Variants in ANTXRL observed in about 807,000 individuals in gnomAD.
ANTXRL encodes ANTXR like.
A neutral mutation model predicts 75.4 loss-of-function variants in ANTXRL; 63 were observed. That is an observed-to-expected ratio of 0.84 (90% confidence interval 0.68 to 1.03). The LOEUF is 1.03. Ranked by LOEUF, ANTXRL falls within the 50% of genes least tolerant of loss-of-function variation. The pLI is 0.00. For missense variants in ANTXRL, 797 were observed against 789.4 expected, an observed-to-expected ratio of 1.01 and a Z score of -0.12; for synonymous variants, 335 against 291.3, an observed-to-expected ratio of 1.15 and a Z score of -1.53.
chr10:46,298,581 G>C (rs1397204122), intron 9 of ANTXRL, among the ~76,000 whole-genome samples: 8 of 151,690 alleles, frequency 5.3e-5, no homozygotes, highest in Admixed American at 5.3e-4. Flanking sequence ...TTGTGGGAGT[G>C]TGTGGGAAGG....
At chr10:46,295,755 C>T (rs1361518582) in intron 3 of ANTXRL, among the ~76,000 whole-genome samples, 1 of 152,120 alleles carries the variant, frequency 6.6e-6, no homozygotes, top group Non-Finnish European at 1.5e-5. Context: ...CCATGGGAAA[C>T]TCCTACTGTC....
intron 14 of ANTXRL, 62 bp downstream of exon 14, chr10:46,310,561 G>A: frequency 6.7e-7 from 1 of 1,492,122 alleles, no homozygotes; most frequent in Non-Finnish European, 9.0e-7. Flanking sequence ...CCTTCACCAA[G>A]AGTGCCATGA....
chr10:46,307,346 G>T (rs140268760), intron 11 of ANTXRL, 56 bp from the exon 12 acceptor site: 1 of 1,276,338 alleles, frequency 7.8e-7, no homozygotes, highest in Non-Finnish European at 1.1e-6. Flanking sequence ...CTGTCCAAGG[G>T]CAAGAACTGC....
intron 16 of ANTXRL, among the ~76,000 whole-genome samples, chr10:46,321,857 A>T (rs566045817): frequency 6.6e-6 from 1 of 152,134 alleles, no homozygotes; most frequent in South Asian, 2.1e-4. Flanking sequence ...AGCCAATGAT[A>T]GTACCTTTGG....
chr10:46,315,349 C>G (rs1213782457), intron 16 of ANTXRL, among the ~76,000 whole-genome samples: 1 of 152,230 alleles, frequency 6.6e-6, no homozygotes, highest in Admixed American at 6.5e-5. Context: ...CCGCTGGAGA[C>G]CAGGCTTGGA....
chr10:46,302,372 C>T (rs536499026), intron 9 of ANTXRL, among the ~76,000 whole-genome samples: 13 of 152,282 alleles, frequency 8.5e-5, no homozygotes, highest in South Asian at 8.3e-4. Flanking sequence ...GCTGAGTGCA[C>T]GGCCTGCACA....
intron 16 of ANTXRL, among the ~76,000 whole-genome samples, chr10:46,320,647 A>T (rs1838936025): frequency 6.6e-6 from 1 of 152,140 alleles, no homozygotes; most frequent in Non-Finnish European, 1.5e-5. Flanking sequence ...CATGAGAATT[A>T]CTTGAACCCA....
intron 9 of ANTXRL, among the ~76,000 whole-genome samples, chr10:46,300,179 C>T (rs1837634097): frequency 6.6e-6 from 1 of 152,068 alleles, no homozygotes; most frequent in South Asian, 2.1e-4. Context: ...GCTCACGTGG[C>T]CCGGCAGTCA....
At chr10:46,325,155 G>A (rs1342846498) in intron 16 of ANTXRL, among the ~76,000 whole-genome samples, 1 of 152,014 alleles carries the variant, frequency 6.6e-6, no homozygotes. Context: ...GAGTTTACTA[G>A]AGAATCCCTG....
At chr10:46,302,930 G>C in intron 10 of ANTXRL, 110 bp downstream of exon 10, 1 of 887,640 alleles carries the variant, frequency 1.1e-6, no homozygotes, top group Non-Finnish European at 1.7e-6. Flanking sequence ...TGTGGACCCT[G>C]TGGGGTTAGA....
rs1839390546 is a variant in ANTXRL at position 46,329,603 on chromosome 10, G to A, written c.1415G>A (p.Arg472Lys). 1 of 1,535,456 alleles carries A rather than the reference G, an allele frequency of 6.5e-7. No homozygotes were observed. Among genetic ancestry groups the A allele is most frequent in the Non-Finnish European group, 8.7e-7 (1 of 1,146,096 alleles). ...TCTCTCTTCTCTTCCCTACAGGGGA[G>A]GTACCTCAGCTTAGCCCTTGCACAG... ...WMCCQSRDQG[R>K]YLSLALAQSQ... The change falls in exon 17 of 17, where the codon AGG becomes AAG. Residue 472 changes from arginine (R) to lysine (K), a missense_variant. By Grantham distance (26) the Arg-to-Lys change is conservative. Around this residue, in one of 3 missense-constraint regions of ANTXRL, gnomAD observed 479 missense variants for 422.0 expected, o/e 1.14. Transcript: ENST00000620264.
rs556512609 is a variant in ANTXRL, at chr10:46,321,977, TC to T, written c.1411-7621del. 6.6e-5 allele frequency among the ~76,000 whole-genome samples: 10 copies of T among 152,304 alleles called. No homozygotes were observed. The East Asian group carries it at 1.9e-3, about 29-fold the overall frequency. On this transcript the variant is annotated intron_variant, in intron 16 of 16. Transcript: ENST00000620264. ...AGGGCTAAGGACAATGATAGTGCCATCATGTCCATAATATCTTAAGTGCTTT... is the reference window on the plus strand; with the variant it reads ...AGGGCTAAGGACAATGATAGTGCCATATGTCCATAATATCTTAAGTGCTTT...
chr10:46,306,954 G>A (rs781982660), intron 11 of ANTXRL, 82 bp downstream of exon 11: 24 of 1,160,402 alleles, frequency 2.1e-5, no homozygotes, highest in Non-Finnish European at 2.9e-5. Flanking sequence ...AAATGTGGAT[G>A]CCCCCCACCC....
intron 16 of ANTXRL, among the ~76,000 whole-genome samples, chr10:46,316,651 A>C (rs1319018513): frequency 3.3e-5 from 5 of 152,128 alleles, no homozygotes; most frequent in Non-Finnish European, 7.3e-5. Flanking sequence ...GTTCCACCCC[A>C]TGTCCTGCTG....
intron 3 of ANTXRL, among the ~76,000 whole-genome samples, chr10:46,295,417 G>T (rs1281098090): frequency 6.6e-6 from 1 of 151,566 alleles, no homozygotes; most frequent in African/African-American, 2.4e-5. Context: ...GACAGTGGCT[G>T]ACTCTCAGTT....
chr10:46,329,031 G>A (rs1274957977), intron 16 of ANTXRL, among the ~76,000 whole-genome samples: 1 of 152,164 alleles, frequency 6.6e-6, no homozygotes, highest in Non-Finnish European at 1.5e-5. Flanking sequence ...TCTCTGTGTG[G>A]CTTGCAGCTG....
At chr10:46,327,070 G>C (rs1470174570) in intron 16 of ANTXRL, among the ~76,000 whole-genome samples, 14 of 152,160 alleles carry the variant, frequency 9.2e-5, no homozygotes, top group African/African-American at 3.4e-4. Context: ...CAGCTTGTCA[G>C]AGGCAGCACC....
chr10:46,297,573 C>G, intron 7 of ANTXRL, 99 bp downstream of exon 7: 1 of 1,290,620 alleles, frequency 7.7e-7, no homozygotes, highest in Non-Finnish European at 1.1e-6. Flanking sequence ...CTAAGCTGCC[C>G]CAAGTGAGTT....
At chr10:46,320,932 G>A (rs1554965464) in intron 16 of ANTXRL, among the ~76,000 whole-genome samples, 1 of 152,174 alleles carries the variant, frequency 6.6e-6, no homozygotes, top group African/African-American at 2.4e-5. Context: ...GTGCCTGGAA[G>A]CCAAATATAC....
Sources: allele counts gnomAD v4.1 joint callset (sites outside exome capture counted in the v4.1 genomes callset), GRCh38; gene constraint gnomAD v4.1.1; regional missense constraint gnomAD v4.1.1; transcripts MANE v1.5; gene names NCBI Gene and HGNC (gene_info 2026-07-23, HGNC 2026-07-21).